The following FHOD3 variants were observed in gnomAD, a reference collection of about 807,000 sequenced individuals.
FHOD3 encodes the protein formin homology 2 domain containing 3, also known as FH1/FH2 domain-containing protein 3.
A neutral mutation model predicts 173.0 loss-of-function variants in FHOD3; 90 were observed. That is an observed-to-expected ratio of 0.52 (90% confidence interval 0.44 to 0.62). The LOEUF (loss-of-function observed/expected upper bound fraction) is 0.62, where lower values mean the gene tolerates loss of function less well. FHOD3 is among the 20% of genes least tolerant of loss of function. The probability of loss-of-function intolerance (pLI) is 0.00; values close to 1 mark genes in which losing one functional copy is unlikely to be tolerated. For missense variants in FHOD3, 1,945 were observed against 2,034.7 expected, an observed-to-expected ratio of 0.96 and a Z score of 0.85; for synonymous variants, 828 against 823.0, an observed-to-expected ratio of 1.01 and a Z score of -0.10.
intron 1 of FHOD3, among the ~76,000 whole-genome samples, chr18:36,307,048 C>G (rs1659063161): frequency 6.6e-6 from 1 of 152,244 alleles, no homozygotes; most frequent in South Asian, 2.1e-4. Flanking sequence ...ACTGCAACCT[C>G]CACTTTCCAG....
intron 3 of FHOD3, among the ~76,000 whole-genome samples, chr18:36,392,508 T>C (rs2048350239): frequency 6.6e-6 from 1 of 152,126 alleles, no homozygotes; most frequent in African/African-American, 2.4e-5. Context: ...TGGCCAAAGC[T>C]GAACTGTGTC....
chr18:36,354,741 G>A (rs1285707618), intron 1 of FHOD3, among the ~76,000 whole-genome samples: 1 of 152,060 alleles, frequency 6.6e-6, no homozygotes, highest in Non-Finnish European at 1.5e-5. Flanking sequence ...GGGAGGCAGA[G>A]GTTGCAGTGA....
chr18:36,612,149 G>A, intron 9 of FHOD3, 54 bp downstream of exon 9: 2 of 1,574,608 alleles, frequency 1.3e-6, no homozygotes, highest in Non-Finnish European at 1.7e-6. Flanking sequence ...ATTGTCAAAG[G>A]CTGAGATGGC....
chr18:36,548,429 G>A (rs981217476), intron 5 of FHOD3, among the ~76,000 whole-genome samples: 4 of 152,108 alleles, frequency 2.6e-5, no homozygotes, highest in East Asian at 3.9e-4. Flanking sequence ...TGCCTTTGAG[G>A]TATAATTGAC....
At chr18:36,602,526 C>A in intron 7 of FHOD3, 148 bp from the exon 8 acceptor site, 3 of 687,932 alleles carry the variant, frequency 4.4e-6, no homozygotes, top group South Asian at 1.6e-5. Flanking sequence ...TGCTCAAATC[C>A]ATCCTAAGGA....
At chr18:36,326,014 C>G (rs1256517274) in intron 1 of FHOD3, among the ~76,000 whole-genome samples, 2 of 152,172 alleles carry the variant, frequency 1.3e-5, no homozygotes, top group African/African-American at 4.8e-5. Flanking sequence ...ATAATTGGCT[C>G]CTCCAGGAGG....
chr18:36,511,966 C>T lies in FHOD3; in HGVS notation c.406-472C>T, dbSNP rs77122543. On this transcript the variant is annotated intron_variant, in intron 4 of 28. Transcript: ENST00000590592. ...AAACTGCTTCCTGTGGTTCTCAGCC[C>T]TTGCAAGAGCCTTTTCTGTAATCTC... Among the ~76,000 whole-genome samples, 849 of 152,334 alleles carry T rather than the reference C, an allele frequency of 5.6e-3. 4 individuals are homozygous for T. Among genetic ancestry groups the T allele is most frequent in the African/African-American group, 0.019 (810 of 41,566 alleles).
In FHOD3 at chr18:36,625,769, T is replaced by C; in HGVS notation, c.1196+20T>C. 1 of 1,573,918 alleles carries C rather than the reference T, an allele frequency of 6.4e-7. No individual in the cohort carries two copies. The highest frequency in any genetic ancestry group is 8.7e-7 in the Non-Finnish European group (1 of 1,153,218). On this transcript the variant is annotated intron_variant, in intron 10 of 28. Coordinates refer to ENST00000590592, the MANE Select transcript of FHOD3 (RefSeq NM_001281740.3). ...TGAAAAGTAAGCATTAACTTGGCAG[T>C]GGAGAGGGGTGCAAGGATGCCATCC...
intron 14 of FHOD3, among the ~76,000 whole-genome samples, chr18:36,674,336 C>A (rs1418865072): frequency 6.6e-6 from 1 of 152,176 alleles, no homozygotes; most frequent in Non-Finnish European, 1.5e-5. Flanking sequence ...GATCCTCTTC[C>A]ACCCTCAATT....
chr18:36,326,448 CT>C (rs1949336916), intron 1 of FHOD3, among the ~76,000 whole-genome samples: 1 of 151,932 alleles, frequency 6.6e-6, no homozygotes, highest in South Asian at 2.1e-4. Context: ...ATGGTGTAGA[CT>C]TTTTGCCACA....
At chr18:36,615,683 A>G (rs1399111447) in intron 9 of FHOD3, among the ~76,000 whole-genome samples, 1 of 152,208 alleles carries the variant, frequency 6.6e-6, no homozygotes, top group Non-Finnish European at 1.5e-5. Context: ...ATTATTTTCA[A>G]AGTTTTCACA....
intron 21 of FHOD3, among the ~76,000 whole-genome samples, 188 bp downstream of exon 21, chr18:36,741,026 T>G (rs1429300915): frequency 6.6e-6 from 1 of 152,100 alleles, no homozygotes; most frequent in South Asian, 2.1e-4. Flanking sequence ...GATTCTAAAG[T>G]GTCTGCCTGG....
chr18:36,330,876 A>G (rs1052801923), intron 1 of FHOD3, among the ~76,000 whole-genome samples: 3 of 149,178 alleles, frequency 2.0e-5, no homozygotes, highest in Non-Finnish European at 2.9e-5. Flanking sequence ...GTGAGCAAGC[A>G]TGGCATCAGA....
chr18:36,579,798 C>T (rs1268401816), intron 6 of FHOD3, among the ~76,000 whole-genome samples: 1 of 152,002 alleles, frequency 6.6e-6, no homozygotes, highest in African/African-American at 2.4e-5. Context: ...AATTTCTGTT[C>T]TTCATAAATT....
rs763729178 is a variant in FHOD3, at chr18:36,693,355, C to T, written c.2168C>T (p.Ser723Leu). The change falls in exon 17 of 29, where the codon TCA becomes TTA. Residue 723 changes from serine (S) to leucine (L), a missense_variant. By Grantham distance (145) the Ser-to-Leu change is moderately radical. Coordinates refer to ENST00000590592, the MANE Select transcript of FHOD3 (RefSeq NM_001281740.3). ...CTGGCTCCTCTGAGCCATAGCCCCTCATCTTCAGACTCTCAAGAGGCTCTC... is the reference window on the plus strand; with the variant it reads ...CTGGCTCCTCTGAGCCATAGCCCCTTATCTTCAGACTCTCAAGAGGCTCTC... The part of the protein sequence containing the change: ...ACLAPLSHSP[S>L]SSDSQEALTV... The T allele has an allele frequency of 1.2e-6, 2 of 1,613,970 alleles. No homozygotes were observed. Among genetic ancestry groups the T allele is most frequent in the South Asian group, 2.2e-5 (2 of 91,062 alleles).
chr18:36,512,333 G>A, intron 4 of FHOD3, 105 bp from the exon 5 acceptor site: 2 of 789,232 alleles, frequency 2.5e-6, no homozygotes, highest in South Asian at 1.5e-5. Flanking sequence ...CAATCTGTAG[G>A]GTCCATTCTG....
At chr18:36,411,466 G>C (rs1204213157) in intron 3 of FHOD3, among the ~76,000 whole-genome samples, 4 of 152,124 alleles carry the variant, frequency 2.6e-5, no homozygotes, top group Non-Finnish European at 5.9e-5. Flanking sequence ...TTCATAAAAG[G>C]ATATTTAACC....
chr18:36,461,674 A>G (rs2052567232), intron 3 of FHOD3, among the ~76,000 whole-genome samples: 1 of 152,158 alleles, frequency 6.6e-6, no homozygotes, highest in Admixed American at 6.5e-5. Flanking sequence ...CATAGGCAAC[A>G]TTGCTTTCAT....
chr18:36,720,709 C>T (rs1568670325), intron 19 of FHOD3, among the ~76,000 whole-genome samples: 3 of 150,476 alleles, frequency 2.0e-5, no homozygotes, highest in Non-Finnish European at 4.4e-5. Context: ...TCTCCTCCTC[C>T]TCCTCCTTCT....
Sources: gnomAD v4.1 joint callset for allele counts (sites outside exome capture counted in the v4.1 genomes callset) on GRCh38, gnomAD v4.1.1 for gene constraint, MANE v1.5 for transcripts, NCBI Gene and HGNC (gene_info 2026-07-23, HGNC 2026-07-21) for gene names.